C6: variants seen among roughly 807,000 people sequenced by gnomAD.
C6 encodes complement C6.
In C6, 101 loss-of-function variants were observed where a neutral mutation model predicts 112.9. The ratio of observed to expected loss-of-function variants is 0.89; its 90% CI spans 0.76 to 1.06. The LOEUF (loss-of-function observed/expected upper bound fraction) is 1.06. Ranked by LOEUF, C6 falls within the 50% of genes least tolerant of loss-of-function variation. C6 has a pLI of 0.00. For missense variants in C6, 1,202 were observed against 1,104.6 expected (o/e 1.09, Z -1.25); for synonymous variants, 431 against 384.1 (o/e 1.12, Z -1.43).
At chr5:41,242,549 AC>A (rs1341023666) in intron 1 of C6, among the ~76,000 whole-genome samples, 2 of 152,210 alleles carry the variant, frequency 1.3e-5, no homozygotes, top group African/African-American at 4.8e-5. Context: ...ATTTTAGAAT[AC>A]ATCTGAGTTT....
At position 41,181,558 on chromosome 5, in the gene C6, A is replaced by G. The variant is rs1749353452; in HGVS notation, c.728T>C (p.Val243Ala). 2 of 1,611,360 alleles carry G rather than the reference A, an allele frequency of 1.2e-6. No individual in the cohort carries two copies. The highest frequency in any genetic ancestry group is 2.2e-5 in the South Asian group (2 of 90,926). ...TTTCAAGTCATCTTCTGCAGTTTGT[A>G]CCTGGAGAAAAATCCATGTAAAATA... is the stretch of plus-strand genomic sequence containing the variant. ...PANLENVGFE[V>A]QTAEDDLKTD... The change falls in exon 7 of 18, where the codon GTA becomes GCA. Residue 243 changes from valine (V) to alanine (A), a missense_variant and splice_region_variant. By Grantham distance (64) the Val-to-Ala change is moderately conservative. Coordinates refer to ENST00000337836, the MANE Select transcript of C6 (RefSeq NM_000065.5).
At chr5:41,190,233 T>C (rs912084436) in intron 5 of C6, among the ~76,000 whole-genome samples, 2 of 152,214 alleles carry the variant, frequency 1.3e-5, no homozygotes, top group African/African-American at 4.8e-5. Context: ...TCACCAACAG[T>C]GTATGAGCTT....
At position 41,175,817 on chromosome 5, in the gene C6, T is replaced by C. The variant is rs139504121; in HGVS notation, c.1168+658A>G. On this transcript the variant is annotated intron_variant, in intron 8 of 17. Transcript: ENST00000337836. Reference sequence around the variant, plus strand: ...AGTAGCAGAAGACATCAAATTCACATGCAAGAGTTACTCCAGTGGAAAGGA... The same window carrying C: ...AGTAGCAGAAGACATCAAATTCACACGCAAGAGTTACTCCAGTGGAAAGGA... 3.1e-3 allele frequency among the ~76,000 whole-genome samples: 478 copies of C among 152,268 alleles called. 9 individuals carry two copies. Among genetic ancestry groups the C allele is most frequent in the Non-Finnish European group, 2.3e-3 (156 of 68,016 alleles).
chr5:41,194,611 T>C (rs1334543668), intron 5 of C6, among the ~76,000 whole-genome samples: 2 of 152,194 alleles, frequency 1.3e-5, no homozygotes. Flanking sequence ...TTTTCTAAAG[T>C]CCAATATGAA....
At chr5:41,216,134 T>C (rs758977252), upstream of C6, among the ~76,000 whole-genome samples, 3 of 152,174 alleles carry the variant, frequency 2.0e-5, no homozygotes, top group Non-Finnish European at 2.9e-5. Context: ...TCTTTGTGTC[T>C]TCTCTTTCCT....
intron 13 of C6, among the ~76,000 whole-genome samples, chr5:41,156,333 C>T (rs112433667): frequency 2.3e-3 from 355 of 152,192 alleles, no homozygotes; most frequent in Non-Finnish European, 3.7e-3. Flanking sequence ...GTACAACGTC[C>T]TTTCAGTTCT....
At chr5:41,186,993 G>GT (rs148823874) in intron 5 of C6, among the ~76,000 whole-genome samples, 5,370 of 152,092 alleles carry the variant, frequency 0.035, 133 homozygotes, top group Non-Finnish European at 0.052. Context: ...GAAAAAAGTA[G>GT]TTTTTTTGTC....
rs754145338 is a variant in C6 at position 41,203,180 on chromosome 5, G to A, written c.51C>T (p.Asn17=). The A allele has an allele frequency of 6.2e-7, 1 of 1,614,080 alleles. No homozygotes were observed. Among genetic ancestry groups the A allele is most frequent in the Non-Finnish European group, 8.5e-7 (1 of 1,179,968 alleles). The change falls in exon 2 of 18, where the codon AAC becomes AAT. Residue 17 remains asparagine, a synonymous_variant. Coordinates refer to ENST00000337836, the MANE Select transcript of C6 (RefSeq NM_000065.5). ...GATCACAGAAGCAGGCTTGGCCCTT[G>A]TTGATCAGAGCATTCAGCAGGATGA... ...LYFILLNALI[N]KGQACFCDHY...
chr5:41,214,866 G>A (rs887045963), upstream of C6, among the ~76,000 whole-genome samples: 2 of 152,088 alleles, frequency 1.3e-5, no homozygotes, highest in Non-Finnish European at 2.9e-5. Context: ...TGTGGGCTAT[G>A]AAGAGGACAG....
intron 1 of C6, among the ~76,000 whole-genome samples, chr5:41,210,352 C>A (rs974636198): frequency 3.3e-5 from 5 of 152,050 alleles, no homozygotes; most frequent in African/African-American, 1.2e-4. Flanking sequence ...GCAACAAAAG[C>A]CAAAATTGAC....
chr5:41,241,092 T>C (rs1034982142), intron 1 of C6, among the ~76,000 whole-genome samples: 2 of 152,104 alleles, frequency 1.3e-5, no homozygotes, highest in Non-Finnish European at 2.9e-5. Flanking sequence ...GTGGCATGCA[T>C]AGGAATAGGC....
At chr5:41,244,203 C>A (rs1740891936) in intron 1 of C6, among the ~76,000 whole-genome samples, 1 of 152,106 alleles carries the variant, frequency 6.6e-6, no homozygotes, top group Admixed American at 6.5e-5. Context: ...ACATTCTAAA[C>A]CAAATAACTT....
intron 1 of C6, among the ~76,000 whole-genome samples, chr5:41,249,482 T>C (rs1457862899): frequency 1.3e-5 from 2 of 152,208 alleles, no homozygotes; most frequent in Non-Finnish European, 2.9e-5. Flanking sequence ...TTTGATGTAG[T>C]AAATCAACTT....
chr5:41,165,100 T>C (rs766518179), intron 9 of C6, among the ~76,000 whole-genome samples: 9 of 152,208 alleles, frequency 5.9e-5, no homozygotes, highest in Non-Finnish European at 1.2e-4. Context: ...TGTACTCTTT[T>C]GTGCCTGGTT....
chr5:41,206,958 G>A (rs1751485512), intron 1 of C6, among the ~76,000 whole-genome samples: 1 of 152,188 alleles, frequency 6.6e-6, no homozygotes, highest in Admixed American at 6.5e-5. Flanking sequence ...AGGAAAAAAT[G>A]TTAAGGGCAG....
chr5:41,156,940 G>A (rs1746969021), intron 13 of C6, among the ~76,000 whole-genome samples: 1 of 151,968 alleles, frequency 6.6e-6, no homozygotes, highest in African/African-American at 2.4e-5. Flanking sequence ...AAAAAACCTT[G>A]CCAAAAGTCC....
intron 9 of C6, among the ~76,000 whole-genome samples, chr5:41,165,665 T>C (rs1215126149): frequency 6.6e-6 from 1 of 152,186 alleles, no homozygotes; most frequent in Non-Finnish European, 1.5e-5. Flanking sequence ...ACAAAATAAT[T>C]ATAGCAGACA....
At chr5:41,201,506 CAG>C in intron 3 of C6, 50 bp downstream of exon 3, 1 of 1,545,568 alleles carries the variant, frequency 6.5e-7, no homozygotes. Context: ...GTCAGGGAAT[CAG>C]AGCCCTCTAT....
At chr5:41,215,897 T>A (rs1752180813), upstream of C6, among the ~76,000 whole-genome samples, 1 of 152,158 alleles carries the variant, frequency 6.6e-6, no homozygotes, top group African/African-American at 2.4e-5. Flanking sequence ...ACATGCTAAG[T>A]ATTCACATGC....
Sources: gnomAD v4.1 joint callset for allele counts (sites outside exome capture counted in the v4.1 genomes callset) on GRCh38, gnomAD v4.1.1 for gene constraint, MANE v1.5 for transcripts, NCBI Gene and HGNC (gene_info 2026-07-23, HGNC 2026-07-21) for gene names.